SLC4A10: variants seen among roughly 807,000 people sequenced by gnomAD.
The protein encoded by SLC4A10 is sodium-driven chloride bicarbonate exchanger.
SLC4A10 carries 42 observed loss-of-function variants against 137.7 expected under a neutral mutation model. The ratio of observed to expected loss-of-function variants is 0.30; its 90% CI spans 0.24 to 0.39. SLC4A10 has a LOEUF of 0.39. SLC4A10 is among the 10% of genes least tolerant of loss of function. SLC4A10 has a pLI of 1.00. For missense variants in SLC4A10, 925 were observed against 1,355.0 expected (o/e 0.68, Z 4.98); for synonymous variants, 474 against 464.1 (o/e 1.02, Z -0.27).
intron 26 of SLC4A10, among the ~76,000 whole-genome samples, chr2:161,982,047 G>A (rs991667482): frequency 1.3e-5 from 2 of 152,126 alleles, no homozygotes; most frequent in African/African-American, 4.8e-5. Flanking sequence ...TGTACAGGAG[G>A]CCCCATAGAA....
intron 11 of SLC4A10, among the ~76,000 whole-genome samples, chr2:161,895,211 A>G (rs184651706): frequency 5.3e-5 from 8 of 151,834 alleles, no homozygotes; most frequent in Admixed American, 1.3e-4. Flanking sequence ...ATGATTTCCA[A>G]TTTCATCCAT....
intron 1 of SLC4A10, among the ~76,000 whole-genome samples, chr2:161,763,232 G>A (rs2050433680): frequency 6.6e-6 from 1 of 151,890 alleles, no homozygotes; most frequent in Non-Finnish European, 1.5e-5. Context: ...TTTGAAAGAT[G>A]TTTCTTACTC....
In SLC4A10 at chr2:161,950,766, C is replaced by A; in HGVS notation, c.2459C>A (p.Pro820Gln). 6.2e-7 allele frequency: 1 copy of A among 1,600,030 alleles called. No homozygotes were observed. Among genetic ancestry groups the A allele is most frequent in the East Asian group, 2.3e-5 (1 of 44,414 alleles). The change falls in exon 19 of 27, where the codon CCA (proline) becomes CAA (glutamine). Residue 820 changes from proline (P) to glutamine (Q), a missense_variant. Pro to Gln is a moderately conservative substitution (Grantham distance 76, BLOSUM62 -1). This residue lies in a region of SLC4A10 where 82 missense variants were observed against 151.4 expected (regional missense o/e 0.54). Coordinates refer to ENST00000446997, the MANE Select transcript of SLC4A10 (RefSeq NM_001178015.2). Reference sequence around the variant, plus strand: ...TGGACAGTAATAGCTGCTATAATTCCAGCTCTGCTTTGTACTATTCTAATT... The same window carrying A: ...TGGACAGTAATAGCTGCTATAATTCAAGCTCTGCTTTGTACTATTCTAATT... ...PWWTVIAAII[P>Q]ALLCTILIFM...
chr2:161,948,261 A>C (rs571032412), intron 17 of SLC4A10, among the ~76,000 whole-genome samples: 110 of 144,558 alleles, frequency 7.6e-4, no homozygotes, highest in Middle Eastern at 3.7e-3. Flanking sequence ...TGATTCCGCC[A>C]AAAAAAATTT....
chr2:161,704,028 T>A (rs1365682662), intron 1 of SLC4A10, among the ~76,000 whole-genome samples: 1 of 151,664 alleles, frequency 6.6e-6, no homozygotes, highest in Non-Finnish European at 1.5e-5. Context: ...TCCTTGTAAA[T>A]GTGAAAATAT....
At chr2:161,901,416 A>G (rs1683080103) in intron 12 of SLC4A10, among the ~76,000 whole-genome samples, 1 of 152,138 alleles carries the variant, frequency 6.6e-6, no homozygotes, top group Non-Finnish European at 1.5e-5. Flanking sequence ...ATATAGTGGT[A>G]TTTTTTATTT....
chr2:161,658,708 G>A (rs933458183), intron 1 of SLC4A10, among the ~76,000 whole-genome samples: 8 of 147,516 alleles, frequency 5.4e-5, no homozygotes, highest in Middle Eastern at 3.7e-3. Flanking sequence ...ATTCTCCCTC[G>A]GCCTCCCAGG....
At chr2:161,710,351 A>C (rs1325041300) in intron 1 of SLC4A10, among the ~76,000 whole-genome samples, 2 of 151,732 alleles carry the variant, frequency 1.3e-5, no homozygotes, top group Non-Finnish European at 3.0e-5. Flanking sequence ...TATTGGTTTC[A>C]CAGCATTCTG....
chr2:161,890,038 G>A (rs750896511), intron 10 of SLC4A10, among the ~76,000 whole-genome samples: 75 of 151,980 alleles, frequency 4.9e-4, no homozygotes, highest in Non-Finnish European at 9.6e-4. Flanking sequence ...CTTTAATTTC[G>A]TTATTTACCC....
intron 1 of SLC4A10, among the ~76,000 whole-genome samples, chr2:161,696,559 G>T (rs1178797830): frequency 6.9e-6 from 1 of 145,808 alleles, no homozygotes; most frequent in Non-Finnish European, 1.5e-5. Flanking sequence ...TGCAGTGTTT[G>T]GTTTTTTGTT....
intron 16 of SLC4A10, among the ~76,000 whole-genome samples, chr2:161,946,269 T>A (rs1037478663): frequency 2.0e-5 from 3 of 152,022 alleles, no homozygotes; most frequent in Non-Finnish European, 1.5e-5. Context: ...AAGACAATAA[T>A]AAGGTGTATT....
At chr2:161,686,737 T>A (rs1424462969) in intron 1 of SLC4A10, among the ~76,000 whole-genome samples, 1 of 152,178 alleles carries the variant, frequency 6.6e-6, no homozygotes, top group Non-Finnish European at 1.5e-5. Flanking sequence ...ACAATTTTTA[T>A]TTTTTTAATT....
chr2:161,697,271 T>C (rs1273573832), intron 1 of SLC4A10, among the ~76,000 whole-genome samples: 1 of 152,208 alleles, frequency 6.6e-6, no homozygotes, highest in Non-Finnish European at 1.5e-5. Context: ...TTCACTCTGT[T>C]GGTAGTTTCT....
chr2:161,904,652 A>G (rs1223077099), intron 13 of SLC4A10, 124 bp from the exon 14 acceptor site: 9 of 1,181,140 alleles, frequency 7.6e-6, no homozygotes, highest in Admixed American at 2.3e-5. Context: ...CGTCTTGCCC[A>G]GGGTTGCTAG....
intron 12 of SLC4A10, chr2:161,901,989 G>A (rs541268966): frequency 2.7e-5 from 12 of 450,490 alleles, no homozygotes; most frequent in African/African-American, 1.0e-4. Flanking sequence ...GATTTTTTTC[G>A]AAGTTCACTT....
chr2:161,847,196 T>C (rs1318923217), intron 4 of SLC4A10, among the ~76,000 whole-genome samples: 3 of 151,818 alleles, frequency 2.0e-5, no homozygotes, highest in Admixed American at 2.0e-4. Context: ...TGAGCTGTGA[T>C]TGCACCACAG....
chr2:161,958,042 C>A (rs1695975078), intron 20 of SLC4A10, among the ~76,000 whole-genome samples: 1 of 152,028 alleles, frequency 6.6e-6, no homozygotes, highest in Non-Finnish European at 1.5e-5. Context: ...TCTGAATTAT[C>A]CATATATTTA....
chr2:161,967,725 G>T (rs1697849255), intron 23 of SLC4A10, among the ~76,000 whole-genome samples: 1 of 151,888 alleles, frequency 6.6e-6, no homozygotes, highest in African/African-American at 2.4e-5. Flanking sequence ...AACATTTTGG[G>T]TCTTTAGTTA....
intron 23 of SLC4A10, among the ~76,000 whole-genome samples, chr2:161,970,298 T>A (rs1339373937): frequency 6.6e-6 from 1 of 152,226 alleles, no homozygotes; most frequent in African/African-American, 2.4e-5. Flanking sequence ...CATTTTTCCT[T>A]TTCCACTCTC....
Sources: allele counts gnomAD v4.1 joint callset (sites outside exome capture counted in the v4.1 genomes callset), GRCh38; gene constraint gnomAD v4.1.1; regional missense constraint gnomAD v4.1.1; transcripts MANE v1.5; gene names NCBI Gene and HGNC (gene_info 2026-07-23, HGNC 2026-07-21).